The following ENTREP2 variants were observed in gnomAD, a reference collection of about 807,000 sequenced individuals.
The protein encoded by ENTREP2 is endosomal transmembrane epsin interactor 2, also known as protein ENTREP2.
chr15:29,639,736 A>G, the ENTREP2 span, among the ~76,000 whole-genome samples: 1 of 151,866 alleles, frequency 6.6e-6, no homozygotes, highest in Non-Finnish European at 1.5e-5. Flanking sequence ...CAATAGAGAA[A>G]ATCAACAAAA....
chr15:29,405,347 C>A, the ENTREP2 span, among the ~76,000 whole-genome samples: 3 of 151,554 alleles, frequency 2.0e-5, no homozygotes, highest in Non-Finnish European at 4.4e-5. Flanking sequence ...CAAGATTGCA[C>A]CATTGCACTC....
At chr15:29,307,501 A>G in the ENTREP2 span, among the ~76,000 whole-genome samples, 1 of 152,252 alleles carries the variant, frequency 6.6e-6, no homozygotes, top group Non-Finnish European at 1.5e-5. Flanking sequence ...AACATAGCAA[A>G]ACATTTAAAA....
At chr15:29,612,576 G>A in the ENTREP2 span, 1 of 153,852 alleles carries the variant, frequency 6.5e-6, no homozygotes, top group African/African-American at 2.4e-5. Flanking sequence ...AACCATGGAG[G>A]AAATTGTGCA....
the ENTREP2 span, among the ~76,000 whole-genome samples, chr15:29,390,117 G>C: frequency 6.6e-6 from 1 of 152,176 alleles, no homozygotes; most frequent in Non-Finnish European, 1.5e-5. Flanking sequence ...GACCAAGGGC[G>C]GTTGATGTAA....
the ENTREP2 span, chr15:29,252,526 A>C: frequency 8.8e-6 from 10 of 1,142,768 alleles, no homozygotes; most frequent in Non-Finnish European, 1.3e-5. Context: ...GGAGAGGCTC[A>C]AAGGAAAAAT....
At chr15:29,170,589 T>C in the ENTREP2 span, among the ~76,000 whole-genome samples, 1 of 151,938 alleles carries the variant, frequency 6.6e-6, no homozygotes, top group African/African-American at 2.4e-5. Flanking sequence ...ACTGTGTGTG[T>C]GTGTGTGTGA....
chr15:29,449,482 C>G, the ENTREP2 span, among the ~76,000 whole-genome samples: 1 of 152,202 alleles, frequency 6.6e-6, no homozygotes, highest in East Asian at 1.9e-4. Flanking sequence ...ACCTACCCTT[C>G]TCTGCTTTCG....
the ENTREP2 span, among the ~76,000 whole-genome samples, chr15:29,432,046 G>A: frequency 2.0e-5 from 3 of 152,156 alleles, no homozygotes; most frequent in Non-Finnish European, 2.9e-5. Flanking sequence ...CTCTCGGGCT[G>A]TAATAGGCCA....
chr15:29,368,573 T>G, the ENTREP2 span, among the ~76,000 whole-genome samples: 5 of 151,496 alleles, frequency 3.3e-5, no homozygotes, highest in Non-Finnish European at 7.4e-5. Context: ...GAGATAGAAA[T>G]TATAAGAACC....
At chr15:29,148,231 C>A in the ENTREP2 span, among the ~76,000 whole-genome samples, 1 of 152,104 alleles carries the variant, frequency 6.6e-6, no homozygotes, top group African/African-American at 2.4e-5. Flanking sequence ...GAAGGTTGTA[C>A]AACTCTGTGA....
the ENTREP2 span, among the ~76,000 whole-genome samples, chr15:29,564,501 T>C: frequency 2.6e-5 from 4 of 152,208 alleles, no homozygotes; most frequent in African/African-American, 7.2e-5. Flanking sequence ...GAGGACTTAC[T>C]GTACGTTTCT....
the ENTREP2 span, among the ~76,000 whole-genome samples, chr15:29,517,060 C>T: frequency 1.3e-5 from 2 of 150,276 alleles, no homozygotes; most frequent in African/African-American, 2.5e-5. Context: ...TTAGTAAAGG[C>T]AGCATGGCAG....
the ENTREP2 span, among the ~76,000 whole-genome samples, chr15:29,383,940 C>T: frequency 2.0e-5 from 3 of 152,212 alleles, no homozygotes; most frequent in East Asian, 3.9e-4. Flanking sequence ...GGGTCCCCTC[C>T]CATGGCCATG....
the ENTREP2 span, among the ~76,000 whole-genome samples, chr15:29,430,298 C>G: frequency 3.3e-5 from 5 of 152,104 alleles, no homozygotes; most frequent in Non-Finnish European, 7.4e-5. Flanking sequence ...CAGCCCTGGC[C>G]CCTCTCGATG....
the ENTREP2 span, chr15:29,266,037 G>A: frequency 6.6e-6 from 1 of 152,142 alleles, no homozygotes; most frequent in Non-Finnish European, 1.5e-5. Context: ...ACCAAAAGAA[G>A]TGAAAATGTG....
chr15:29,236,246 A>G, the ENTREP2 span, among the ~76,000 whole-genome samples: 4 of 152,210 alleles, frequency 2.6e-5, no homozygotes, highest in Non-Finnish European at 5.9e-5. Context: ...ACTCTTCACA[A>G]GTAAATTTCA....
At chr15:29,665,975 T>C in the ENTREP2 span, among the ~76,000 whole-genome samples, 2 of 150,740 alleles carry the variant, frequency 1.3e-5, no homozygotes, top group African/African-American at 2.4e-5. Flanking sequence ...TGCCTCAGCC[T>C]CCTGAGTAGC....
chr15:29,555,445 A>T, the ENTREP2 span, among the ~76,000 whole-genome samples: 118 of 152,314 alleles, frequency 7.7e-4, no homozygotes, highest in East Asian at 0.021. Flanking sequence ...GTATTTTTTT[A>T]AATAAAATAA....
the ENTREP2 span, among the ~76,000 whole-genome samples, chr15:29,649,200 A>G: frequency 6.6e-6 from 1 of 152,170 alleles, no homozygotes; most frequent in African/African-American, 2.4e-5. Flanking sequence ...TAGATTTGTT[A>G]GAAGCACTGA....
Sources: allele counts gnomAD v4.1 joint callset (sites outside exome capture counted in the v4.1 genomes callset), GRCh38; gene constraint gnomAD v4.1.1; transcripts MANE v1.5; gene names NCBI Gene and HGNC (gene_info 2026-07-23, HGNC 2026-07-21).